Variants in ASTN2 observed in about 807,000 individuals in gnomAD.
ASTN2 encodes astrotactin 2, also known as astrotactin-2.
In ASTN2, 54 loss-of-function variants were observed where a neutral mutation model predicts 139.8. The ratio of observed to expected loss-of-function variants is 0.39; its 90% CI spans 0.31 to 0.48. The LOEUF (loss-of-function observed/expected upper bound fraction) is 0.48. ASTN2 is among the 20% of genes least tolerant of loss of function. The pLI is 0.95. For synonymous variants in ASTN2, 756 were observed against 719.5 expected (o/e 1.05, Z -0.81); for missense variants, 1,565 against 1,725.1 (o/e 0.91, Z 1.64).
At chr9:117,384,200 G>A (rs1294664448) in intron 1 of ASTN2, among the ~76,000 whole-genome samples, 2 of 152,186 alleles carry the variant, frequency 1.3e-5, no homozygotes, top group African/African-American at 4.8e-5. Context: ...ATAGGATTAT[G>A]CTGGGTTGCC....
intron 1 of ASTN2, among the ~76,000 whole-genome samples, chr9:117,406,460 T>A (rs949447090): frequency 6.6e-6 from 1 of 152,128 alleles, no homozygotes; most frequent in African/African-American, 2.4e-5. Context: ...GTTCTTTTCT[T>A]CTCTGACGTC....
chr9:117,296,587 T>A (rs913768282), intron 1 of ASTN2, among the ~76,000 whole-genome samples: 8 of 152,214 alleles, frequency 5.3e-5, no homozygotes, highest in African/African-American at 1.9e-4. Context: ...ACAATCAAAG[T>A]TTAAGCAAAA....
chr9:116,894,378 A>G (rs1050274783), intron 10 of ASTN2, among the ~76,000 whole-genome samples: 2 of 152,244 alleles, frequency 1.3e-5, no homozygotes, highest in Non-Finnish European at 2.9e-5. Flanking sequence ...GCCAAATGAC[A>G]GTTATCACAT....
intron 1 of ASTN2, among the ~76,000 whole-genome samples, chr9:117,296,136 G>A (rs1259392956): frequency 2.0e-5 from 3 of 151,828 alleles, no homozygotes; most frequent in Non-Finnish European, 2.9e-5. Context: ...AAATTAGCCA[G>A]GCATGGTGGC....
At chr9:117,190,237 A>G (rs1831309932) in intron 3 of ASTN2, among the ~76,000 whole-genome samples, 1 of 152,220 alleles carries the variant, frequency 6.6e-6, no homozygotes, top group African/African-American at 2.4e-5. Context: ...AGAAATGTGA[A>G]TTTCTATGTG....
At chr9:116,504,465 T>C (rs1850020874) in intron 19 of ASTN2, 1 of 152,186 alleles carries the variant, frequency 6.6e-6, no homozygotes, top group Non-Finnish European at 1.5e-5. Context: ...GACATTGAGA[T>C]AATAATAATA....
intron 16 of ASTN2, among the ~76,000 whole-genome samples, chr9:116,684,696 C>A (rs557219192): frequency 6.6e-6 from 1 of 152,228 alleles, no homozygotes; most frequent in Admixed American, 6.5e-5. Context: ...GGGTTGACTC[C>A]CATTCCCACT....
At chr9:116,973,363 T>G (rs576782185) in intron 10 of ASTN2, among the ~76,000 whole-genome samples, 21 of 152,248 alleles carry the variant, frequency 1.4e-4, no homozygotes, top group Non-Finnish European at 2.5e-4. Context: ...TTATCCCCAT[T>G]TTGCAGACAA....
intron 10 of ASTN2, among the ~76,000 whole-genome samples, chr9:116,902,890 A>C (rs940261907): frequency 1.3e-5 from 2 of 152,114 alleles, no homozygotes; most frequent in African/African-American, 4.8e-5. Context: ...TACTTCTTTA[A>C]AAGTAAAAGT....
intron 16 of ASTN2, among the ~76,000 whole-genome samples, chr9:116,670,170 C>CA (rs929923716): frequency 9.9e-5 from 15 of 152,000 alleles, no homozygotes; most frequent in Admixed American, 3.9e-4. Context: ...AACAAATAAA[C>CA]AAAAAAACCT....
intron 3 of ASTN2, among the ~76,000 whole-genome samples, chr9:117,188,529 G>A (rs1157195371): frequency 6.6e-6 from 1 of 152,110 alleles, no homozygotes; most frequent in African/African-American, 2.4e-5. Flanking sequence ...CAAGATGCCT[G>A]TCTCCTCACT....
intron 19 of ASTN2, among the ~76,000 whole-genome samples, chr9:116,568,210 A>G (rs1488627941): frequency 6.6e-6 from 1 of 152,224 alleles, no homozygotes; most frequent in African/African-American, 2.4e-5. Context: ...AAAAATTAAG[A>G]AATGATTCTG....
chr9:117,014,769 G>A (rs1837628400), intron 6 of ASTN2, among the ~76,000 whole-genome samples: 1 of 152,036 alleles, frequency 6.6e-6, no homozygotes, highest in Non-Finnish European at 1.5e-5. Flanking sequence ...TATAAGAAGA[G>A]GATATTGGGG....
intron 10 of ASTN2, among the ~76,000 whole-genome samples, chr9:116,885,830 G>A (rs1387228990): frequency 6.6e-6 from 1 of 152,060 alleles, no homozygotes; most frequent in African/African-American, 2.4e-5. Flanking sequence ...TGTTCAATAA[G>A]GCTGTTTGCT....
chr9:116,520,147 C>A (rs192354075), intron 19 of ASTN2, among the ~76,000 whole-genome samples: 1 of 152,140 alleles, frequency 6.6e-6, no homozygotes, highest in East Asian at 1.9e-4. Context: ...CCGTAACATT[C>A]TATGACACCA....
At chr9:117,051,226 TA>T (rs11317018) in intron 5 of ASTN2, among the ~76,000 whole-genome samples, 96,987 of 151,216 alleles carry the variant, frequency 0.64, 31,380 homozygotes, top group East Asian at 0.72. Context: ...GCTTATTAAC[TA>T]AAAAAAAAAT....
rs567772075 is a variant in ASTN2, at chr9:116,599,058, C to A, written c.3355+19266G>T. Among the ~76,000 whole-genome samples the A allele has an allele frequency of 5.9e-5, 9 of 152,264 alleles. 1 individual carries two copies. The East Asian group carries it at 1.7e-3, about 29-fold the overall frequency. On this transcript the variant is annotated intron_variant, in intron 19 of 22. Coordinates refer to ENST00000313400, the MANE Select transcript of ASTN2 (RefSeq NM_001365068.1). Reference sequence around the variant, plus strand: ...ATGACACATTCAAATACCTTCAGAGCAAAGCAGATAATAGAAGTTAATGTA... The same window carrying A: ...ATGACACATTCAAATACCTTCAGAGAAAAGCAGATAATAGAAGTTAATGTA...
At chr9:117,285,298 T>TC (rs1834420734) in intron 2 of ASTN2, among the ~76,000 whole-genome samples, 1 of 150,356 alleles carries the variant, frequency 6.7e-6, no homozygotes, top group Non-Finnish European at 1.5e-5. Flanking sequence ...TTTTTTTTTT[T>TC]CTATCTCTTT....
chr9:117,388,631 T>C (rs1288357776), intron 1 of ASTN2, among the ~76,000 whole-genome samples: 3 of 152,202 alleles, frequency 2.0e-5, no homozygotes, highest in Non-Finnish European at 1.5e-5. Context: ...CTGTAATCTA[T>C]GGATGGCTTG....
Sources: allele counts gnomAD v4.1 joint callset (sites outside exome capture counted in the v4.1 genomes callset), GRCh38; gene constraint gnomAD v4.1.1; transcripts MANE v1.5; gene names NCBI Gene and HGNC (gene_info 2026-07-23, HGNC 2026-07-21).